Variants in SAMD4A observed in about 807,000 individuals in gnomAD.
SAMD4A encodes protein Smaug homolog 1.
A neutral mutation model predicts 81.3 loss-of-function variants in SAMD4A; 33 were observed. The ratio of observed to expected loss-of-function variants is 0.41; its 90% CI spans 0.31 to 0.54. The LOEUF (loss-of-function observed/expected upper bound fraction) is 0.54. SAMD4A is among the 20% of genes least tolerant of loss of function. The pLI, the probability that SAMD4A is intolerant of heterozygous loss-of-function variation, is 0.37. For synonymous variants in SAMD4A, 389 were observed against 382.1 expected (o/e 1.02, Z -0.21); for missense variants, 854 against 951.1 (o/e 0.90, Z 1.34).
intron 4 of SAMD4A, among the ~76,000 whole-genome samples, chr14:54,746,462 G>A (rs551334784): frequency 3.3e-5 from 5 of 152,206 alleles, no homozygotes; most frequent in Admixed American, 2.0e-4. Context: ...TACTCCCAGT[G>A]TTTTGACTAA....
intron 2 of SAMD4A, among the ~76,000 whole-genome samples, chr14:54,581,864 G>A (rs926044589): frequency 1.3e-5 from 2 of 152,182 alleles, no homozygotes; most frequent in Non-Finnish European, 2.9e-5. Flanking sequence ...AGCTAAACAA[G>A]AAAATAATTA....
chr14:54,719,241 A>G (rs1287182491), intron 3 of SAMD4A, among the ~76,000 whole-genome samples: 1 of 151,984 alleles, frequency 6.6e-6, no homozygotes, highest in East Asian at 1.9e-4. Flanking sequence ...TGCCAAGTCT[A>G]CACAATTGTG....
At chr14:54,786,914 A>G (rs968412308) in intron 12 of SAMD4A, among the ~76,000 whole-genome samples, 3 of 152,064 alleles carry the variant, frequency 2.0e-5, no homozygotes, top group African/African-American at 7.2e-5. Flanking sequence ...TTTTTTCCCA[A>G]TGATCTCCTC....
chr14:54,601,523 T>G (rs74840892), intron 2 of SAMD4A, among the ~76,000 whole-genome samples: 3,105 of 152,320 alleles, frequency 0.02, 60 homozygotes, highest in Middle Eastern at 0.068. Context: ...AAAACAAGAA[T>G]GAGTCTCAAC....
chr14:54,568,191 G>GC, intron 2 of SAMD4A, 79 bp downstream of exon 2: 1 of 1,284,422 alleles, frequency 7.8e-7, no homozygotes. Flanking sequence ...CTCGGGCCAG[G>GC]CCGAGGCCAG....
rs371626572 is a variant in SAMD4A, at chr14:54,788,898, T to G, written c.2129-18T>G. 1 of 1,614,090 alleles carries G rather than the reference T, an allele frequency of 6.2e-7. No homozygotes were observed. Among genetic ancestry groups the G allele is most frequent in the Non-Finnish European group, 8.5e-7 (1 of 1,180,044 alleles). ...GTTTTGCTCACCTGTGCCCATCGTT[T>G]GCTGCTTTCTCTCCCAGACGGGGTT... is the stretch of plus-strand genomic sequence containing the variant. On this transcript the variant is annotated intron_variant, in intron 12 of 12. Coordinates refer to ENST00000554335, the MANE Select transcript of SAMD4A (RefSeq NM_015589.6).
chr14:54,640,857 T>G (rs1197917439), intron 2 of SAMD4A, among the ~76,000 whole-genome samples: 1 of 152,230 alleles, frequency 6.6e-6, no homozygotes, highest in Non-Finnish European at 1.5e-5. Flanking sequence ...TCTCCCTGCT[T>G]CCTACTGGCC....
intron 2 of SAMD4A, among the ~76,000 whole-genome samples, chr14:54,617,720 G>C (rs2034523372): frequency 6.6e-6 from 1 of 152,156 alleles, no homozygotes; most frequent in South Asian, 2.1e-4. Context: ...TTAGTACTCA[G>C]GCCCTACTGA....
In SAMD4A at chr14:54,589,164, G is replaced by C. The variant is rs145116455; in HGVS notation, c.196+21052G>C. ...TTTTATTTCAACTTAAGACACATTA[G>C]AGGTGGGACAAGAGTTACAATGGAT... is the stretch of plus-strand genomic sequence containing the variant. On this transcript the variant is annotated intron_variant, in intron 2 of 12. Coordinates refer to ENST00000554335, the MANE Select transcript of SAMD4A (RefSeq NM_015589.6). Among the ~76,000 whole-genome samples the C allele has an allele frequency of 3.6e-3, 554 of 152,258 alleles. 2 individuals carry two copies. The highest frequency in any genetic ancestry group is 0.013 in the African/African-American group (520 of 41,544).
chr14:54,759,025 C>T (rs2038320272), intron 6 of SAMD4A, among the ~76,000 whole-genome samples: 1 of 152,182 alleles, frequency 6.6e-6, no homozygotes, highest in African/African-American at 2.4e-5. Flanking sequence ...CCTCTGTGAG[C>T]ATCTGGCATA....
rs528992815 is a variant in SAMD4A at position 54,656,391 on chromosome 14, T to C, written c.197-45671T>C. 1.9e-3 allele frequency among the ~76,000 whole-genome samples: 294 copies of C among 152,320 alleles called. 3 individuals are homozygous for C. The highest frequency in any genetic ancestry group is 6.7e-3 in the African/African-American group (277 of 41,566). The stretch of plus-strand genomic sequence containing the variant: ...TTTGGAGAGGCTTCTGGTCATGGTA[T>C]GTGGACCCATGTCAGCTTCTCTTTC... On this transcript the variant is annotated intron_variant, in intron 2 of 12. Transcript: ENST00000554335.
chr14:54,760,841 C>T lies in SAMD4A; in HGVS notation c.1510+347C>T, dbSNP rs370191926. ...GAAAAAGATGATTTTGGGAACAAAC[C>T]GTTCACTCAGCATCTCACCCTCTCT... On this transcript the variant is annotated intron_variant, in intron 7 of 12. Coordinates refer to ENST00000554335, the MANE Select transcript of SAMD4A (RefSeq NM_015589.6). 5.9e-5 allele frequency among the ~76,000 whole-genome samples: 9 copies of T among 152,224 alleles called. No homozygotes were observed. In the East Asian group the frequency reaches 9.7e-4, roughly 16 times the overall value.
intron 7 of SAMD4A, among the ~76,000 whole-genome samples, chr14:54,762,042 TA>T (rs2038412672): frequency 1.3e-5 from 2 of 152,198 alleles, no homozygotes; most frequent in African/African-American, 4.8e-5. Flanking sequence ...CACCAGTATC[TA>T]AAGTTAGGCC....
At chr14:54,692,666 C>T (rs982231209) in intron 2 of SAMD4A, among the ~76,000 whole-genome samples, 8 of 152,146 alleles carry the variant, frequency 5.3e-5, no homozygotes, top group South Asian at 4.2e-4. Flanking sequence ...GTGAGGGCGG[C>T]GCTGAAGATT....
At chr14:54,602,321 AATACACACACAC>A (rs1319906635) in intron 2 of SAMD4A, among the ~76,000 whole-genome samples, 2 of 110,896 alleles carry the variant, frequency 1.8e-5, no homozygotes, top group Non-Finnish European at 3.7e-5. Context: ...ACTGCTTTAA[AATACACACACAC>A]ACACACACAC....
At chr14:54,641,918 C>T (rs1594764649) in intron 2 of SAMD4A, among the ~76,000 whole-genome samples, 3 of 152,176 alleles carry the variant, frequency 2.0e-5, no homozygotes, top group South Asian at 4.1e-4. Flanking sequence ...CTACCTTAGC[C>T]TCCTGAGTAG....
At chr14:54,773,813 G>A (rs2038767594) in intron 9 of SAMD4A, among the ~76,000 whole-genome samples, 1 of 152,236 alleles carries the variant, frequency 6.6e-6, no homozygotes, top group Non-Finnish European at 1.5e-5. Context: ...GCGTCATGAT[G>A]GCAGAGACTC....
intron 2 of SAMD4A, among the ~76,000 whole-genome samples, chr14:54,662,259 G>C (rs2035657876): frequency 6.6e-6 from 1 of 152,198 alleles, no homozygotes; most frequent in Non-Finnish European, 1.5e-5. Context: ...TGGATATTTT[G>C]CTCCATTTAG....
intron 2 of SAMD4A, among the ~76,000 whole-genome samples, chr14:54,570,236 C>T (rs536600763): frequency 1.3e-5 from 2 of 152,208 alleles, no homozygotes; most frequent in South Asian, 2.1e-4. Flanking sequence ...GGTTTACTTT[C>T]GGAGTGTGGG....
Sources: allele counts gnomAD v4.1 joint callset (sites outside exome capture counted in the v4.1 genomes callset), GRCh38; gene constraint gnomAD v4.1.1; transcripts MANE v1.5; gene names NCBI Gene and HGNC (gene_info 2026-07-23, HGNC 2026-07-21).